The following XKR6 variants were observed in gnomAD, a reference collection of about 807,000 sequenced individuals.
XKR6 encodes the protein XK-related protein 6.
Under a neutral mutation model 56.7 loss-of-function variants are expected in XKR6, and 22 were observed. The ratio of observed to expected loss-of-function variants is 0.39; its 90% CI spans 0.28 to 0.55. XKR6 has a LOEUF of 0.55. Ranked by LOEUF, XKR6 falls within the 20% of genes least tolerant of loss-of-function variation. The probability of loss-of-function intolerance (pLI) is 0.66; values close to 1 mark genes in which losing one functional copy is unlikely to be tolerated. For synonymous variants in XKR6, 524 were observed against 387.8 expected, an observed-to-expected ratio of 1.35 and a Z score of -4.13; for missense variants, 852 against 889.0, an observed-to-expected ratio of 0.96 and a Z score of 0.53.
At chr8:10,992,948 G>A (rs1360347953) in intron 1 of XKR6, among the ~76,000 whole-genome samples, 2 of 152,216 alleles carry the variant, frequency 1.3e-5, no homozygotes, top group Non-Finnish European at 1.5e-5. Context: ...GTCATAGAAT[G>A]TCACCTTTCC....
intron 2 of XKR6, among the ~76,000 whole-genome samples, chr8:10,919,582 T>C (rs1369809757): frequency 6.6e-6 from 1 of 152,218 alleles, no homozygotes; most frequent in Non-Finnish European, 1.5e-5. Context: ...GTGGAGCTCA[T>C]TAGACCTTTG....
chr8:10,942,602 C>T (rs1801418218), intron 1 of XKR6, among the ~76,000 whole-genome samples: 1 of 152,244 alleles, frequency 6.6e-6, no homozygotes, highest in Non-Finnish European at 1.5e-5. Flanking sequence ...GAGAGGACAG[C>T]AGGAGCCCTC....
chr8:11,201,162 A>C lies in XKR6; in HGVS notation c.178T>G (p.Cys60Gly). The C allele has an allele frequency of 6.6e-7, 1 of 1,524,252 alleles. No individual in the cohort carries two copies. Among genetic ancestry groups the C allele is most frequent in the Non-Finnish European group, 8.8e-7 (1 of 1,142,538 alleles). 94.4% of individuals were successfully genotyped at this position (1,524,252 alleles called of 1,614,324 possible). The change falls in exon 1 of 3, where the codon TGC becomes GGC. Residue 60 changes from cysteine to glycine, a missense_variant. Around this residue, in one of 4 missense-constraint regions of XKR6, gnomAD observed 417 missense variants for 355.2 expected, o/e 1.17. Transcript: ENST00000416569. ...CCCCAGTAGCACGAGGAGGTGTTGCAGCAGTGGCAGATGTGCATCGAGCTG... is the reference window on the plus strand; with the variant it reads ...CCCCAGTAGCACGAGGAGGTGTTGCCGCAGTGGCAGATGTGCATCGAGCTG... ...ESSSMHICHCCNTSSCYWGCR... is the reference protein window; with the variant it reads ...ESSSMHICHCGNTSSCYWGCR...
In XKR6 at chr8:11,141,729, A is replaced by G. The variant is rs563588398; in HGVS notation, c.764+58847T>C. Among the ~76,000 whole-genome samples, 90 of 152,274 alleles carry G rather than the reference A, an allele frequency of 5.9e-4. No homozygotes were observed. In the Middle Eastern group the frequency reaches 0.01, roughly 17 times the overall value. The stretch of plus-strand genomic sequence containing the variant: ...GAACAGCAGCTCCTGATGGGAGCCT[A>G]TCTGTCTCCATAGCCCTTGACTGGT... On this transcript the variant is annotated intron_variant, in intron 1 of 2. Transcript: ENST00000416569.
At chr8:10,912,853 G>C (rs983697877) in intron 2 of XKR6, among the ~76,000 whole-genome samples, 2 of 132,538 alleles carry the variant, frequency 1.5e-5, no homozygotes, top group Non-Finnish European at 3.3e-5. Flanking sequence ...GAAAGAGATA[G>C]GGTGTGTGTA....
intron 1 of XKR6, among the ~76,000 whole-genome samples, chr8:11,023,011 C>G (rs974615668): frequency 6.6e-6 from 1 of 152,168 alleles, no homozygotes; most frequent in African/African-American, 2.4e-5. Flanking sequence ...TGTCAGCGCT[C>G]CAAGGTATCT....
At chr8:11,185,124 T>G (rs944277683) in intron 1 of XKR6, among the ~76,000 whole-genome samples, 1 of 152,090 alleles carries the variant, frequency 6.6e-6, no homozygotes, top group Non-Finnish European at 1.5e-5. Context: ...TGAGTGTGAG[T>G]GTGCCCTGTG....
intron 2 of XKR6, among the ~76,000 whole-genome samples, chr8:10,920,065 G>A (rs1358157425): frequency 1.3e-5 from 2 of 152,162 alleles, no homozygotes; most frequent in Non-Finnish European, 2.9e-5. Flanking sequence ...GATGGCAAGG[G>A]AGGGAGAGAC....
At chr8:10,988,095 T>G (rs142242988) in intron 1 of XKR6, among the ~76,000 whole-genome samples, 24 of 152,258 alleles carry the variant, frequency 1.6e-4, no homozygotes, top group Non-Finnish European at 2.8e-4. Context: ...CCCTCTAAAG[T>G]TTCACCCTCC....
intron 1 of XKR6, among the ~76,000 whole-genome samples, chr8:11,173,280 C>G (rs962565913): frequency 2.6e-5 from 4 of 151,262 alleles, no homozygotes; most frequent in Non-Finnish European, 4.4e-5. Flanking sequence ...GGAGGCAGAG[C>G]TTGCAGTGAG....
chr8:11,195,741 C>T (rs1803848405), intron 1 of XKR6, among the ~76,000 whole-genome samples: 2 of 151,748 alleles, frequency 1.3e-5, no homozygotes, highest in South Asian at 2.1e-4. Context: ...CTCCACCTCC[C>T]GGGTTGACGC....
intron 1 of XKR6, among the ~76,000 whole-genome samples, chr8:10,938,155 C>A (rs1054723903): frequency 6.6e-6 from 1 of 152,198 alleles, no homozygotes; most frequent in African/African-American, 2.4e-5. Context: ...GTGGGAGTGA[C>A]CCGATTTTGC....
chr8:11,022,380 C>G (rs916268523), intron 1 of XKR6, among the ~76,000 whole-genome samples: 1 of 152,214 alleles, frequency 6.6e-6, no homozygotes, highest in South Asian at 2.1e-4. Context: ...TTATGCTCTA[C>G]CTGCAGCGAC....
At position 11,026,078 on chromosome 8, in the gene XKR6, C is replaced by T. The variant is rs144412343; in HGVS notation, c.765-101248G>A. The stretch of plus-strand genomic sequence containing the variant: ...CGGGGATACATTCTGAGAAATGTGT[C>T]GTTAGGCGATTTCATCATTGTACGA... On this transcript the variant is annotated intron_variant, in intron 1 of 2. Coordinates refer to ENST00000416569, the MANE Select transcript of XKR6 (RefSeq NM_173683.4). Among the ~76,000 whole-genome samples, 24 of 152,294 alleles carry T rather than the reference C, an allele frequency of 1.6e-4. No individual in the cohort carries two copies. In the East Asian group the frequency reaches 4.2e-3, roughly 27 times the overall value.
intron 1 of XKR6, among the ~76,000 whole-genome samples, chr8:11,125,019 G>T (rs1322695628): frequency 2.7e-5 from 4 of 150,702 alleles, no homozygotes; most frequent in African/African-American, 9.8e-5. Flanking sequence ...AACCCGGGAG[G>T]TGGAGCTTGC....
At chr8:11,081,161 A>G (rs914115080) in intron 1 of XKR6, among the ~76,000 whole-genome samples, 4 of 152,234 alleles carry the variant, frequency 2.6e-5, no homozygotes, top group Admixed American at 6.5e-5. Flanking sequence ...TGAGAAAAGT[A>G]AGGATACTTA....
At chr8:11,073,333 T>C (rs1431369372) in intron 1 of XKR6, among the ~76,000 whole-genome samples, 1 of 152,176 alleles carries the variant, frequency 6.6e-6, no homozygotes, top group Non-Finnish European at 1.5e-5. Flanking sequence ...TGCTAGGAAC[T>C]ACATTGGGTC....
intron 1 of XKR6, among the ~76,000 whole-genome samples, chr8:10,995,458 A>C (rs1192031805): frequency 6.8e-6 from 1 of 147,234 alleles, no homozygotes; most frequent in Non-Finnish European, 1.5e-5. Flanking sequence ...TATATATATT[A>C]TATATAATAC....
intron 1 of XKR6, among the ~76,000 whole-genome samples, chr8:11,019,728 C>T (rs992240279): frequency 3.3e-5 from 5 of 152,194 alleles, no homozygotes; most frequent in African/African-American, 1.2e-4. Context: ...GCAGACACAG[C>T]CCTCAGAGGC....
Sources: gnomAD v4.1 joint callset for allele counts (sites outside exome capture counted in the v4.1 genomes callset) on GRCh38, gnomAD v4.1.1 for gene constraint, gnomAD v4.1.1 regional missense constraint, MANE v1.5 for transcripts, NCBI Gene and HGNC (gene_info 2026-07-23, HGNC 2026-07-21) for gene names.